LDHB: variants seen among roughly 807,000 people sequenced by gnomAD.
LDHB encodes the protein lactate dehydrogenase B.
Under a neutral mutation model 33.4 loss-of-function variants are expected in LDHB, and 18 were observed. The observed-to-expected ratio is 0.54, with a 90% CI of 0.37 to 0.80. LDHB has a LOEUF of 0.80. Ranked by LOEUF, LDHB falls within the 30% of genes least tolerant of loss-of-function variation. The pLI, the probability that LDHB is intolerant of heterozygous loss-of-function variation, is 0.00. For synonymous variants in LDHB, 121 were observed against 140.6 expected (o/e 0.86, Z 0.98); for missense variants, 345 against 407.9 (o/e 0.85, Z 1.33).
Position 21,644,048 on chromosome 12 carries a change from T to G in LDHB, c.308A>C (p.Glu103Ala), listed in dbSNP as rs1414205301. ...VVVTAGVRQQ[E>A]GESRLNLVQR... ...CACCAGATTGAGCCGACTCTCCCCT[T>G]CTTGCTGACGGACTCCTGCAGTTAC... is the stretch of plus-strand genomic sequence containing the variant. Residue 103 changes from glutamate to alanine, a missense_variant, in exon 4 of 8, where the codon GAA (glutamate) becomes GCA (alanine). Glu to Ala is a moderately radical substitution (Grantham distance 107, BLOSUM62 -1). Coordinates refer to ENST00000350669, the MANE Select transcript of LDHB (RefSeq NM_002300.8). 2 of 1,613,200 alleles carry G rather than the reference T, an allele frequency of 1.2e-6. No individual in the cohort carries two copies. The highest frequency in any genetic ancestry group is 2.7e-5 in the African/African-American group (2 of 74,916).
At chr12:21,655,763 A>G (rs1303190218) in intron 1 of LDHB, among the ~76,000 whole-genome samples, 3 of 152,228 alleles carry the variant, frequency 2.0e-5, no homozygotes, top group African/African-American at 7.2e-5. Context: ...CCTGTTGGAA[A>G]ATGAACGATC....
In LDHB at chr12:21,644,020, C is replaced by G; in HGVS notation, c.336G>C (p.Gln112His). 6.2e-7 allele frequency: 1 copy of G among 1,612,474 alleles called. No individual in the cohort carries two copies. Among genetic ancestry groups the G allele is most frequent in the Non-Finnish European group, 8.5e-7 (1 of 1,178,522 alleles). The change falls in exon 4 of 8, where the codon CAG becomes CAC. Residue 112 changes from glutamine to histidine, a missense_variant. By Grantham distance (24) the Gln-to-His change is conservative. Coordinates refer to ENST00000350669, the MANE Select transcript of LDHB (RefSeq NM_002300.8). ...TGAATTTGAAGACATTAACATTTCT[C>G]TGCACCAGATTGAGCCGACTCTCCC... is the stretch of plus-strand genomic sequence containing the variant. ...QEGESRLNLV[Q>H]RNVNVFKFII...
intron 1 of LDHB, chr12:21,656,996 GTAC>G: frequency 8.2e-6 from 1 of 122,272 alleles, no homozygotes; most frequent in East Asian, 2.5e-4. Flanking sequence ...ACTGCAGCTT[GTAC>G]TGCTCGCGGT....
At chr12:21,643,275 C>T (rs1007545738) in intron 4 of LDHB, among the ~76,000 whole-genome samples, 4 of 152,230 alleles carry the variant, frequency 2.6e-5, no homozygotes, top group African/African-American at 9.6e-5. Flanking sequence ...GCTATGCTCA[C>T]CAACATGCAG....
chr12:21,646,634 AAGT>A lies in LDHB; in HGVS notation c.247+262_247+264del, dbSNP rs1938534058. Among the ~76,000 whole-genome samples the A allele has an allele frequency of 9.2e-5, 14 of 152,358 alleles. No individual in the cohort carries two copies. The South Asian group carries it at 2.9e-3, about 32-fold the overall frequency. ...GAATATAAAATATTTGAGAAATAAA[AAGT>A]AGAATACAGTAGAGAAGTAAGAGCT... On this transcript the variant is annotated intron_variant, in intron 3 of 7. Coordinates refer to ENST00000350669, the MANE Select transcript of LDHB (RefSeq NM_002300.8).
chr12:21,656,029 G>A (rs912699883), intron 1 of LDHB, among the ~76,000 whole-genome samples: 13 of 151,822 alleles, frequency 8.6e-5, no homozygotes, highest in African/African-American at 2.9e-4. Flanking sequence ...TTTTTATGTC[G>A]CATCTGAGGT....
chr12:21,638,556 A>G (rs1448488272), intron 5 of LDHB, 86 bp from the exon 6 acceptor site: 1 of 911,092 alleles, frequency 1.1e-6, no homozygotes. Context: ...AATTTCACCT[A>G]TGATGCAAAT....
rs923240846 is a variant in LDHB, at chr12:21,650,576, T to C, written c.130-3560A>G. ...GATAATCTTGCCTCAAAGCTCTTCA[T>C]GACCCTTACAACATGATGAGTTCGA... is the stretch of plus-strand genomic sequence containing the variant. On this transcript the variant is annotated intron_variant, in intron 2 of 7. Transcript: ENST00000350669. Among the ~76,000 whole-genome samples, 4 of 152,202 alleles carry C rather than the reference T, an allele frequency of 2.6e-5. 1 individual carries two copies. Among genetic ancestry groups the C allele is most frequent in the African/African-American group, 9.6e-5 (4 of 41,466 alleles).
At chr12:21,642,228 C>G (rs1052537986) in intron 4 of LDHB, 103 bp from the exon 5 acceptor site, 1 of 766,970 alleles carries the variant, frequency 1.3e-6, no homozygotes, top group African/African-American at 1.7e-5. Flanking sequence ...CCCCACTCCC[C>G]AAATGAGATG....
chr12:21,637,258 C>A (rs1938244946), intron 6 of LDHB, 64 bp from the exon 7 acceptor site: 2 of 1,197,784 alleles, frequency 1.7e-6, no homozygotes, highest in Admixed American at 3.4e-5. Flanking sequence ...CCAGACCTGA[C>A]TTTGACTACT....
At chr12:21,652,507 T>G (rs141943212) in intron 2 of LDHB, among the ~76,000 whole-genome samples, 99 of 152,344 alleles carry the variant, frequency 6.5e-4, no homozygotes, top group Middle Eastern at 6.8e-3. Context: ...AGTTTTTGTT[T>G]TTATTGGCAC....
At chr12:21,657,419 C>G (rs1221890896) in intron 1 of LDHB, 1 of 152,378 alleles carries the variant, frequency 6.6e-6, no homozygotes, top group Non-Finnish European at 1.5e-5. Flanking sequence ...GCACGTGTCC[C>G]GACTCCCGCC....
Position 21,635,548 on chromosome 12 carries a change from G to A in LDHB, c.999C>T (p.Asp333=). 1 of 1,611,526 alleles carries A rather than the reference G, an allele frequency of 6.2e-7. No homozygotes were observed. Among genetic ancestry groups the A allele is most frequent in the South Asian group, 1.1e-5 (1 of 90,980 alleles). Residue 333 remains aspartate (D), a synonymous_variant, in exon 8 of 8, where the codon GAC becomes GAT. Coordinates refer to ENST00000350669, the MANE Select transcript of LDHB (RefSeq NM_002300.8). ...TLWDIQKDLK[D]L Reference sequence around the variant, plus strand: ...ACAGCCTAGAGCTCACTAGTCACAGGTCTTTTAGGTCCTTCTGGATGTCCC... The same window carrying A: ...ACAGCCTAGAGCTCACTAGTCACAGATCTTTTAGGTCCTTCTGGATGTCCC...
intron 4 of LDHB, among the ~76,000 whole-genome samples, 170 bp from the exon 5 acceptor site, chr12:21,642,295 T>C (rs1361580779): frequency 6.6e-6 from 1 of 152,126 alleles, no homozygotes; most frequent in Non-Finnish European, 1.5e-5. Flanking sequence ...ATACCAGGAA[T>C]GACAGTGACA....
At chr12:21,646,286 A>G (rs1938524821) in intron 3 of LDHB, among the ~76,000 whole-genome samples, 1 of 152,242 alleles carries the variant, frequency 6.6e-6, no homozygotes, top group African/African-American at 2.4e-5. Flanking sequence ...AGAAATCTTT[A>G]AAGAAAAGAA....
intron 3 of LDHB, among the ~76,000 whole-genome samples, chr12:21,645,192 A>C (rs1030097929): frequency 2.0e-5 from 3 of 151,376 alleles, no homozygotes; most frequent in African/African-American, 7.3e-5. Context: ...GTTAAGAGTC[A>C]TCACCACTCC....
chr12:21,635,810 T>C, intron 7 of LDHB, 101 bp from the exon 8 acceptor site: 2 of 1,062,750 alleles, frequency 1.9e-6, no homozygotes, highest in South Asian at 1.3e-5. Context: ...GCCCAGGAGT[T>C]TGAAGCTTCA....
At chr12:21,635,735 T>C in intron 7 of LDHB, 26 bp from the exon 8 acceptor site, 2 of 1,608,302 alleles carry the variant, frequency 1.2e-6, no homozygotes, top group Non-Finnish European at 8.5e-7. Flanking sequence ...AGCATCGAGA[T>C]TAAGACATGA....
chr12:21,654,254 T>G (rs1591836571), intron 2 of LDHB: 2 of 388,696 alleles, frequency 5.1e-6, no homozygotes, highest in African/African-American at 4.1e-5. Context: ...GGCATGATTT[T>G]GACAACATGG....
Sources: allele counts gnomAD v4.1 joint callset (sites outside exome capture counted in the v4.1 genomes callset), GRCh38; gene constraint gnomAD v4.1.1; transcripts MANE v1.5; gene names NCBI Gene and HGNC (gene_info 2026-07-23, HGNC 2026-07-21).